TRDN: variants seen among roughly 807,000 people sequenced by gnomAD.
TRDN encodes triadin in skeletal muscle.
Under a neutral mutation model 149.7 loss-of-function variants are expected in TRDN, and 161 were observed. That is an observed-to-expected ratio of 1.08 (90% CI 0.95 to 1.23). The LOEUF (loss-of-function observed/expected upper bound fraction) is 1.23, where lower values mean the gene tolerates loss of function less well. TRDN is among the 50% of genes most tolerant of loss of function. TRDN has a pLI of 0.00. For missense variants in TRDN, 896 were observed against 823.5 expected (o/e 1.09, Z -1.08); for synonymous variants, 294 against 250.5 (o/e 1.17, Z -1.64).
At chr6:123,316,150 A>T (rs1779013400) in intron 24 of TRDN, among the ~76,000 whole-genome samples, 1 of 151,852 alleles carries the variant, frequency 6.6e-6, no homozygotes, top group Non-Finnish European at 1.5e-5. Flanking sequence ...CCCTCTTAGC[A>T]TTTCATAAAC....
In TRDN at chr6:123,464,632, T is replaced by A. The variant is rs183713713; in HGVS notation, c.931+274A>T. 108 of 1,178,792 alleles carry A rather than the reference T, an allele frequency of 9.2e-5. No individual in the cohort carries two copies. In the African/African-American group the frequency reaches 1.5e-3, roughly 16 times the overall value. The allele number at this position is 1,178,792 out of a possible 1,614,324, so 73.0% of individuals were successfully genotyped here. ...GAGTTGCAAGGCATAGCCTTATCTA[T>A]TTGTCCCTATATTTTTTTGCTTGAT... On this transcript the variant is annotated intron_variant, in intron 10 of 40. Transcript: ENST00000334268.
chr6:123,571,002 A>T lies in TRDN; in HGVS notation c.153T>A (p.Leu51=). 6.2e-7 allele frequency: 1 copy of T among 1,614,010 alleles called. No homozygotes were observed. Among genetic ancestry groups the T allele is most frequent in the East Asian group, 2.2e-5 (1 of 44,884 alleles). The change falls in exon 2 of 41, where the codon CTT becomes CTA. Residue 51 remains leucine, a synonymous_variant. Coordinates refer to ENST00000334268, the MANE Select transcript of TRDN (RefSeq NM_006073.4). ...ACGTGATTATCAGGGCAATGACCAG[A>T]AGCCAGGCTGCAGGGGAGCTGAACG... ...VTTFSSPAAW[L]LVIALIITWS...
rs114500762 is a variant in TRDN, at chr6:123,384,727, C to T, written c.1136-2580G>A. Among the ~76,000 whole-genome samples, 1,380 of 152,118 alleles carry T rather than the reference C, an allele frequency of 9.1e-3. 23 individuals are homozygous for T. Among genetic ancestry groups the T allele is most frequent in the African/African-American group, 0.031 (1,301 of 41,516 alleles). On this transcript the variant is annotated intron_variant, in intron 14 of 40. Coordinates refer to ENST00000334268, the MANE Select transcript of TRDN (RefSeq NM_006073.4). ...GAAGTCCAGGGTCAGGCAAATGAAACTCAAAATGTCATGATAAAGTTATGT... is the reference window on the plus strand; with the variant it reads ...GAAGTCCAGGGTCAGGCAAATGAAATTCAAAATGTCATGATAAAGTTATGT...
intron 1 of TRDN, among the ~76,000 whole-genome samples, chr6:123,626,331 A>G (rs2114726950): frequency 6.6e-6 from 1 of 152,198 alleles, no homozygotes; most frequent in Non-Finnish European, 1.5e-5. Flanking sequence ...AAACATACAA[A>G]AATTAGCCTG....
At chr6:123,542,740 T>C (rs908987396) in intron 4 of TRDN, among the ~76,000 whole-genome samples, 7 of 152,092 alleles carry the variant, frequency 4.6e-5, no homozygotes, top group Admixed American at 1.3e-4. Context: ...AGAAAAACAC[T>C]AAGATACCTA....
At chr6:123,274,246 A>G (rs1016232389) in intron 27 of TRDN, among the ~76,000 whole-genome samples, 1 of 152,094 alleles carries the variant, frequency 6.6e-6, no homozygotes, top group Non-Finnish European at 1.5e-5. Flanking sequence ...CCTTCAAACC[A>G]CAATAGTCTA....
chr6:123,271,541 G>T (rs1019053877), intron 29 of TRDN, among the ~76,000 whole-genome samples: 1 of 151,922 alleles, frequency 6.6e-6, no homozygotes, highest in Non-Finnish European at 1.5e-5. Context: ...ATTAGAATAG[G>T]AAGGAGCAAT....
At chr6:123,280,544 A>G (rs1230586980) in intron 24 of TRDN, among the ~76,000 whole-genome samples, 1 of 152,036 alleles carries the variant, frequency 6.6e-6, no homozygotes, top group Non-Finnish European at 1.5e-5. Flanking sequence ...ATAATTTTGA[A>G]TCTTCCTATC....
At chr6:123,370,980 T>C (rs1412412757) in intron 19 of TRDN, among the ~76,000 whole-genome samples, 1 of 151,642 alleles carries the variant, frequency 6.6e-6, no homozygotes. Flanking sequence ...TATTTAAATA[T>C]ATTACAAGTA....
chr6:123,390,600 C>T (rs1782070587), intron 13 of TRDN, among the ~76,000 whole-genome samples: 1 of 152,110 alleles, frequency 6.6e-6, no homozygotes, highest in Non-Finnish European at 1.5e-5. Flanking sequence ...ATGTTATCTA[C>T]CAAGCTGGAT....
intron 12 of TRDN, among the ~76,000 whole-genome samples, chr6:123,409,222 T>C (rs1773330778): frequency 6.6e-6 from 1 of 152,210 alleles, no homozygotes; most frequent in Non-Finnish European, 1.5e-5. Flanking sequence ...CTTGAAAACC[T>C]ATAAAGTTCA....
At chr6:123,356,415 C>T (rs1016416334) in intron 20 of TRDN, among the ~76,000 whole-genome samples, 2 of 149,300 alleles carry the variant, frequency 1.3e-5, no homozygotes, top group Non-Finnish European at 3.0e-5. Context: ...ATTAAACCAA[C>T]CTGACTGCAT....
chr6:123,468,415 C>G (rs1776959231), intron 9 of TRDN, among the ~76,000 whole-genome samples: 1 of 152,062 alleles, frequency 6.6e-6, no homozygotes, highest in Non-Finnish European at 1.5e-5. Flanking sequence ...TCCATAATAC[C>G]TGAATGGTAG....
chr6:123,608,679 A>G (rs1784637556), intron 1 of TRDN, among the ~76,000 whole-genome samples: 1 of 152,192 alleles, frequency 6.6e-6, no homozygotes, highest in Non-Finnish European at 1.5e-5. Flanking sequence ...CATTCACAGT[A>G]TTGGAAAAGG....
chr6:123,457,577 T>C (rs1306150524), intron 10 of TRDN: 1 of 447,094 alleles, frequency 2.2e-6, no homozygotes, highest in Admixed American at 2.4e-5. Flanking sequence ...TTTTTTCTTT[T>C]GATGCTTTGT....
chr6:123,299,247 G>A (rs1778316239), intron 24 of TRDN, among the ~76,000 whole-genome samples: 1 of 152,006 alleles, frequency 6.6e-6, no homozygotes, highest in South Asian at 2.1e-4. Context: ...TAGGGCATGG[G>A]AAGGGGGTGA....
At chr6:123,464,564 C>A in intron 10 of TRDN, 1 of 1,019,766 alleles carries the variant, frequency 9.8e-7, no homozygotes, top group Middle Eastern at 4.9e-4. Context: ...CTGGCACCAG[C>A]CTCTTCAGAG....
chr6:123,508,782 T>A (rs560690640), intron 7 of TRDN, among the ~76,000 whole-genome samples: 1 of 152,192 alleles, frequency 6.6e-6, no homozygotes, highest in Non-Finnish European at 1.5e-5. Flanking sequence ...CTGTGTTCTA[T>A]GCAAGTGCCT....
At chr6:123,538,498 G>A (rs568022700) in intron 4 of TRDN, among the ~76,000 whole-genome samples, 4 of 151,996 alleles carry the variant, frequency 2.6e-5, no homozygotes, top group East Asian at 1.9e-4. Flanking sequence ...TGGGGAAAGC[G>A]TACTACTCAC....
Sources: allele counts gnomAD v4.1 joint callset (sites outside exome capture counted in the v4.1 genomes callset), GRCh38; gene constraint gnomAD v4.1.1; transcripts MANE v1.5; gene names NCBI Gene and HGNC (gene_info 2026-07-23, HGNC 2026-07-21).